Variants in LYPLAL1 observed in about 807,000 individuals in gnomAD.
LYPLAL1 encodes lysophospholipase-like protein 1.
LYPLAL1 carries 23 observed loss-of-function variants against 19.7 expected under a neutral mutation model. The observed-to-expected ratio is 1.17, with a 90% CI of 0.84 to 1.65. The LOEUF is 1.65. LYPLAL1 is among the 40% of genes most tolerant of loss of function. The pLI, the probability that LYPLAL1 is intolerant of heterozygous loss-of-function variation, is 0.00. For synonymous variants in LYPLAL1, 119 were observed against 96.3 expected (o/e 1.24, Z -1.38); for missense variants, 355 against 279.4 (o/e 1.27, Z -1.93).
chr1:219,404,292 C>A, the LYPLAL1 span, among the ~76,000 whole-genome samples: 40 of 152,198 alleles, frequency 2.6e-4, 1 homozygote, highest in Admixed American at 2.2e-3. Flanking sequence ...GGGGAGCACA[C>A]GTCAGGGCAT....
chr1:219,429,217 G>A, the LYPLAL1 span, among the ~76,000 whole-genome samples: 6 of 152,256 alleles, frequency 3.9e-5, no homozygotes, highest in East Asian at 1.2e-3. Context: ...GGAATAGGAG[G>A]CAGTATGTAG....
At chr1:219,234,075 G>A in the LYPLAL1 span, among the ~76,000 whole-genome samples, 1 of 152,056 alleles carries the variant, frequency 6.6e-6, no homozygotes, top group Non-Finnish European at 1.5e-5. Flanking sequence ...GCTATTTTGG[G>A]CCAAGTTCAT....
At chr1:219,182,042 G>T (rs1656335618) in intron 2 of LYPLAL1, among the ~76,000 whole-genome samples, 1 of 152,060 alleles carries the variant, frequency 6.6e-6, no homozygotes, top group African/African-American at 2.4e-5. Context: ...CCTATGTGAG[G>T]TTTTAAAAAG....
At chr1:219,345,957 A>G in the LYPLAL1 span, among the ~76,000 whole-genome samples, 1 of 152,078 alleles carries the variant, frequency 6.6e-6, no homozygotes, top group East Asian at 1.9e-4. Flanking sequence ...TATTTATATC[A>G]GTTCCTCTGG....
At chr1:219,349,834 A>G in the LYPLAL1 span, among the ~76,000 whole-genome samples, 2 of 152,232 alleles carry the variant, frequency 1.3e-5, no homozygotes, top group South Asian at 4.1e-4. Flanking sequence ...CCCATCACTT[A>G]TACTCAAGCC....
chr1:219,219,221 C>G, the LYPLAL1 span, among the ~76,000 whole-genome samples: 3 of 152,078 alleles, frequency 2.0e-5, no homozygotes, highest in Non-Finnish European at 4.4e-5. Context: ...ATAGTTATTC[C>G]CATTGTAGGG....
At chr1:219,321,270 C>T in the LYPLAL1 span, among the ~76,000 whole-genome samples, 1 of 152,068 alleles carries the variant, frequency 6.6e-6, no homozygotes, top group African/African-American at 2.4e-5. Context: ...TATCCTTCAC[C>T]CACTTTTTGA....
chr1:219,370,807 C>T, the LYPLAL1 span, among the ~76,000 whole-genome samples: 1 of 152,156 alleles, frequency 6.6e-6, no homozygotes, highest in Non-Finnish European at 1.5e-5. Context: ...AGGACATAAT[C>T]ACCCCAAGAA....
chr1:219,387,398 C>T, the LYPLAL1 span, among the ~76,000 whole-genome samples: 1 of 152,160 alleles, frequency 6.6e-6, no homozygotes, highest in South Asian at 2.1e-4. Context: ...TCTCCCCTCA[C>T]CTGTAACTGC....
the LYPLAL1 span, among the ~76,000 whole-genome samples, chr1:219,346,066 G>A: frequency 4.6e-5 from 7 of 152,200 alleles, no homozygotes; most frequent in Admixed American, 1.3e-4. Flanking sequence ...TGAAACACCA[G>A]GGGTTTGGTC....
chr1:219,180,070 C>T (rs1656146218), intron 2 of LYPLAL1, among the ~76,000 whole-genome samples: 1 of 152,072 alleles, frequency 6.6e-6, no homozygotes, highest in Non-Finnish European at 1.5e-5. Flanking sequence ...AGTCTTGGCC[C>T]ACAGCAGCCT....
At chr1:219,242,797 T>G in the LYPLAL1 span, among the ~76,000 whole-genome samples, 1 of 152,004 alleles carries the variant, frequency 6.6e-6, no homozygotes, top group Non-Finnish European at 1.5e-5. Flanking sequence ...ATAAGATATT[T>G]GGAGATGGGC....
the LYPLAL1 span, among the ~76,000 whole-genome samples, chr1:219,331,802 G>T: frequency 2.0e-5 from 3 of 152,132 alleles, no homozygotes; most frequent in Non-Finnish European, 4.4e-5. Flanking sequence ...CTAGTGGTGC[G>T]TTGGAGAGGT....
At chr1:219,277,700 C>T in the LYPLAL1 span, among the ~76,000 whole-genome samples, 16 of 152,190 alleles carry the variant, frequency 1.1e-4, no homozygotes, top group African/African-American at 2.4e-4. Context: ...GATATCTGCT[C>T]ATCTGAAGGC....
chr1:219,217,379 G>GGTGTGGGTGTGTGTGTGT (rs1553304607), downstream of LYPLAL1, among the ~76,000 whole-genome samples: 1 of 134,048 alleles, frequency 7.5e-6, no homozygotes, highest in African/African-American at 2.7e-5. Context: ...TGCCAGGTTT[G>GGTGTGGGTGTGTGTGTGT]GTGTGTGTGT....
intron 3 of LYPLAL1, among the ~76,000 whole-genome samples, chr1:219,195,409 G>A (rs1252749241): frequency 6.6e-6 from 1 of 152,008 alleles, no homozygotes; most frequent in Admixed American, 6.6e-5. Flanking sequence ...AGATCAGGAT[G>A]AGAAATTGCT....
downstream of LYPLAL1, among the ~76,000 whole-genome samples, chr1:219,213,582 G>C (rs1659182782): frequency 6.6e-6 from 1 of 151,872 alleles, no homozygotes; most frequent in Admixed American, 6.6e-5. Flanking sequence ...TTAGATACTT[G>C]ATTTCTTTTA....
the LYPLAL1 span, among the ~76,000 whole-genome samples, chr1:219,299,140 C>CTTTTTTTTTTTTTTT: frequency 3.9e-5 from 5 of 129,494 alleles, no homozygotes; most frequent in Non-Finnish European, 3.2e-5. Context: ...CCTCCCCCAG[C>CTTTTTTTTTTTTTTT]TTTTTTTTTT....
chr1:219,295,077 GC>G, the LYPLAL1 span, among the ~76,000 whole-genome samples: 3 of 152,126 alleles, frequency 2.0e-5, no homozygotes, highest in African/African-American at 7.2e-5. Flanking sequence ...CCTGAAAGCA[GC>G]TCTGGGCAGC....
Sources: gnomAD v4.1 joint callset for allele counts (sites outside exome capture counted in the v4.1 genomes callset) on GRCh38, gnomAD v4.1.1 for gene constraint, MANE v1.5 for transcripts, NCBI Gene and HGNC (gene_info 2026-07-23, HGNC 2026-07-21) for gene names.